GLIS3: variants seen among roughly 807,000 people sequenced by gnomAD.
The protein encoded by GLIS3 is GLIS family zinc finger 3, also known as zinc finger protein GLIS3.
GLIS3 carries 53 observed loss-of-function variants against 78.6 expected under a neutral mutation model. That is an observed-to-expected ratio of 0.67 (90% CI 0.54 to 0.85). GLIS3 has a LOEUF of 0.85. Among genes scored for constraint, GLIS3 ranks in the 40% least tolerant of loss-of-function variants. GLIS3 has a pLI of 0.00. For missense variants in GLIS3, 1,703 were observed against 1,231.1 expected, an observed-to-expected ratio of 1.38 and a Z score of -5.74; for synonymous variants, 684 against 509.9, an observed-to-expected ratio of 1.34 and a Z score of -4.60.
chr9:4,286,216 A>G lies in GLIS3; in HGVS notation c.210T>C (p.Pro70=). The G allele has an allele frequency of 6.2e-7, 1 of 1,614,168 alleles. No individual in the cohort carries two copies. Among genetic ancestry groups the G allele is most frequent in the Non-Finnish European group, 8.5e-7 (1 of 1,180,028 alleles). Residue 70 remains proline, a synonymous_variant, in exon 2 of 11, where the codon CCT becomes CCC. Transcript: ENST00000381971. ...TGCGGCTCTCAGCCACGTTGTTCTG[A>G]GGAGCCATCCCTCCTCCTGAGGGCA... The part of the protein sequence containing the change: ...LKMPSGGGMA[P]QNNVAESRIH...
At chr9:3,986,070 T>A (rs192355125) in intron 4 of GLIS3, among the ~76,000 whole-genome samples, 8 of 152,360 alleles carry the variant, frequency 5.3e-5, no homozygotes, top group Admixed American at 5.2e-4. Context: ...CTTCTTTAGT[T>A]AAATTACAGA....
the GLIS3 span, among the ~76,000 whole-genome samples, chr9:4,459,888 T>C: frequency 6.6e-6 from 1 of 152,114 alleles, no homozygotes; most frequent in Non-Finnish European, 1.5e-5. Flanking sequence ...TGCTGAATGA[T>C]GGAGAAAAAT....
the GLIS3 span, among the ~76,000 whole-genome samples, chr9:4,372,556 A>T: frequency 3.7e-4 from 16 of 43,720 alleles, no homozygotes; most frequent in African/African-American, 2.4e-3. Context: ...CCCTCCAATA[A>T]AAAAAAAAAA....
chr9:3,838,004 G>C (rs1036971754), intron 9 of GLIS3, among the ~76,000 whole-genome samples: 2 of 151,860 alleles, frequency 1.3e-5, no homozygotes, highest in East Asian at 3.9e-4. Context: ...AGGGGGTGGG[G>C]GGAGGAGGGT....
the GLIS3 span, among the ~76,000 whole-genome samples, chr9:4,430,300 G>A: frequency 6.6e-6 from 1 of 152,312 alleles, no homozygotes; most frequent in South Asian, 2.1e-4. Flanking sequence ...TTTTAGAGAA[G>A]TTCAAAGCTG....
intron 5 of GLIS3, among the ~76,000 whole-genome samples, chr9:3,934,496 G>A (rs1339149595): frequency 2.0e-5 from 3 of 149,594 alleles, no homozygotes; most frequent in South Asian, 2.1e-4. Context: ...TGCAACCTCC[G>A]CCTCCCGAGT....
At chr9:3,829,608 C>T in intron 9 of GLIS3, 116 bp from the exon 10 acceptor site, 1 of 939,866 alleles carries the variant, frequency 1.1e-6, no homozygotes, top group Non-Finnish European at 1.7e-6. Flanking sequence ...GCCTTTAACT[C>T]TTAAGGCCAC....
intron 2 of GLIS3, among the ~76,000 whole-genome samples, chr9:4,253,603 C>A (rs1262732265): frequency 6.6e-6 from 1 of 152,182 alleles, no homozygotes; most frequent in Non-Finnish European, 1.5e-5. Flanking sequence ...AGCCCCCTTT[C>A]CAGGTGAGTG....
chr9:4,025,339 T>C (rs1023493002), intron 4 of GLIS3, among the ~76,000 whole-genome samples: 2 of 152,190 alleles, frequency 1.3e-5, no homozygotes, highest in East Asian at 3.9e-4. Flanking sequence ...ATAAAGCCTC[T>C]AGATATCAGA....
chr9:3,916,650 G>T (rs537568373), intron 6 of GLIS3, among the ~76,000 whole-genome samples: 1 of 152,246 alleles, frequency 6.6e-6, no homozygotes, highest in African/African-American at 2.4e-5. Context: ...GAAGTAAAAG[G>T]ATTAAAGTTA....
At chr9:4,240,513 C>T (rs1294754583) in intron 2 of GLIS3, among the ~76,000 whole-genome samples, 2 of 151,714 alleles carry the variant, frequency 1.3e-5, no homozygotes, top group East Asian at 1.9e-4. Context: ...GAGATTTTCT[C>T]TCCAAAAAAA....
rs1003147545 is a variant in GLIS3, at chr9:4,229,271, T to C, written c.388+56767A>G. 7.2e-5 allele frequency among the ~76,000 whole-genome samples: 11 copies of C among 152,186 alleles called. No homozygotes were observed. The East Asian group carries it at 2.1e-3, about 29-fold the overall frequency. On this transcript the variant is annotated intron_variant, in intron 2 of 10. Transcript: ENST00000381971. ...AAATCGCTTTCACTTTGTGCAAAAA[T>C]TTTACCATGCGCACATACTTTCAAA...
At chr9:4,398,510 G>C in the GLIS3 span, among the ~76,000 whole-genome samples, 2 of 151,878 alleles carry the variant, frequency 1.3e-5, no homozygotes, top group Non-Finnish European at 2.9e-5. Context: ...GGGGGTGGGG[G>C]CCTGGAGAAC....
At chr9:4,085,036 T>G (rs1456635977) in intron 4 of GLIS3, among the ~76,000 whole-genome samples, 1 of 151,858 alleles carries the variant, frequency 6.6e-6, no homozygotes, top group Non-Finnish European at 1.5e-5. Flanking sequence ...AATGATCTTG[T>G]TAGTGTTTAT....
chr9:4,190,148 A>G (rs1003376053), intron 2 of GLIS3, among the ~76,000 whole-genome samples: 2 of 152,234 alleles, frequency 1.3e-5, no homozygotes, highest in Admixed American at 6.5e-5. Context: ...AAAGGAACGC[A>G]GCTCCTCACC....
chr9:3,930,030 A>C (rs1825514061), intron 6 of GLIS3, among the ~76,000 whole-genome samples: 1 of 152,190 alleles, frequency 6.6e-6, no homozygotes, highest in Non-Finnish European at 1.5e-5. Context: ...ATGTGGATTG[A>C]CTAGTTTCAG....
chr9:4,118,923 A>T lies in GLIS3; in HGVS notation c.597-42T>A. On this transcript the variant is annotated intron_variant, in intron 3 of 10. Coordinates refer to ENST00000381971, the MANE Select transcript of GLIS3 (RefSeq NM_001042413.2). This position sits in a 1 kb window ranked among gnomAD's most constrained non-coding sequence, Gnocchi z 4.7. ...AAAGGAAGAAAAAAAAAAGATAAAC[A>T]TTTTAGCAGGATACGGATTGCTTAA... The T allele has an allele frequency of 6.3e-7, 1 of 1,584,568 alleles. No homozygotes were observed. Among genetic ancestry groups the T allele is most frequent in the Non-Finnish European group, 8.5e-7 (1 of 1,171,194 alleles).
chr9:4,316,061 A>G (rs1158040654), intron 2 of GLIS3, among the ~76,000 whole-genome samples: 1 of 152,188 alleles, frequency 6.6e-6, no homozygotes, highest in Non-Finnish European at 1.5e-5. Context: ...AAATACATGC[A>G]TATCTATGTA....
the GLIS3 span, among the ~76,000 whole-genome samples, chr9:4,362,135 G>A: frequency 6.6e-6 from 1 of 152,350 alleles, no homozygotes; most frequent in African/African-American, 2.4e-5. Flanking sequence ...GGAGGCAGCT[G>A]TCAAGACAAA....
Sources: gnomAD v4.1 joint callset for allele counts (sites outside exome capture counted in the v4.1 genomes callset) on GRCh38, gnomAD v4.1.1 for gene constraint, Gnocchi (gnomAD v3.1) non-coding constraint, MANE v1.5 for transcripts, NCBI Gene and HGNC (gene_info 2026-07-23, HGNC 2026-07-21) for gene names.